IMPA1: variants seen among roughly 807,000 people sequenced by gnomAD.
IMPA1 encodes the protein D-galactose 1-phosphate phosphatase.
A neutral mutation model predicts 34.9 loss-of-function variants in IMPA1; 21 were observed. That is an observed-to-expected ratio of 0.60 (90% confidence interval 0.43 to 0.87). IMPA1 has a LOEUF of 0.87. Among genes scored for constraint, IMPA1 ranks in the 40% least tolerant of loss-of-function variants. IMPA1 has a pLI of 0.00. For synonymous variants in IMPA1, 95 were observed against 104.4 expected, an observed-to-expected ratio of 0.91 and a Z score of 0.55; for missense variants, 299 against 336.4, an observed-to-expected ratio of 0.89 and a Z score of 0.87.
intron 1 of IMPA1, among the ~76,000 whole-genome samples, chr8:81,683,782 T>G (rs912772734): frequency 3.6e-5 from 4 of 112,096 alleles, no homozygotes; most frequent in Admixed American, 3.2e-4. Context: ...GTCCTGAGTC[T>G]GGATAATCAC....
chr8:81,678,616 C>T (rs1178833246), intron 4 of IMPA1: 3 of 183,402 alleles, frequency 1.6e-5, no homozygotes, highest in South Asian at 8.2e-5. Context: ...CGCTTGAACC[C>T]GGGAGGTGGG....
Position 81,676,275 on chromosome 8 carries a change from G to A in IMPA1, c.307C>T (p.Pro103Ser). ...DGTTNFVHRFPFVAVSIGFAV... is the reference protein window; with the variant it reads ...DGTTNFVHRFSFVAVSIGFAV... The stretch of plus-strand genomic sequence containing the variant: ...AAGCCAATTGAAACAGCTACAAAAG[G>A]AAATCTTTTTTTAAAAAAAAGGACA... Residue 103 changes from proline (P) to serine (S), a missense_variant, in exon 5 of 9, where the codon CCT becomes TCT. Physicochemically the swap from Pro to Ser is moderately conservative, Grantham distance 74 (BLOSUM62 -1). Coordinates refer to ENST00000256108, the MANE Select transcript of IMPA1 (RefSeq NM_005536.4). The A allele has an allele frequency of 3.0e-6, 4 of 1,315,814 alleles. No homozygotes were observed. In the South Asian group the frequency reaches 4.6e-5, roughly 15 times the overall value. 81.5% of individuals were successfully genotyped at this position (1,315,814 alleles called of 1,614,324 possible). A position where few individuals can be genotyped will look rare whatever the true frequency, so the allele number is the denominator to read the frequency against.
intron 7 of IMPA1, among the ~76,000 whole-genome samples, chr8:81,666,906 G>A (rs992471783): frequency 1.3e-4 from 18 of 143,994 alleles, no homozygotes; most frequent in Non-Finnish European, 4.5e-5. Context: ...AGCAGGAATT[G>A]CAATTCTGAT....
intron 5 of IMPA1, 71 bp from the exon 6 acceptor site, chr8:81,674,020 A>C: frequency 2.2e-6 from 2 of 901,608 alleles, no homozygotes; most frequent in Admixed American, 3.6e-5. Flanking sequence ...AGAAAATAAC[A>C]AGACAATCTG....
At chr8:81,659,613 G>A (rs1806606045) in intron 8 of IMPA1, 147 bp from the exon 9 acceptor site, 1 of 606,306 alleles carries the variant, frequency 1.6e-6, no homozygotes. Context: ...TTTCTACAAT[G>A]TATAAGCTTA....
intron 7 of IMPA1, among the ~76,000 whole-genome samples, chr8:81,662,085 ATTTGGCATG>A (rs1341846906): frequency 6.6e-6 from 1 of 152,200 alleles, no homozygotes; most frequent in African/African-American, 2.4e-5. Flanking sequence ...GATGTCATTG[ATTTGGCATG>A]TTTTCCATCA....
At chr8:81,682,589 C>T (rs906321717) in intron 1 of IMPA1, among the ~76,000 whole-genome samples, 2 of 152,090 alleles carry the variant, frequency 1.3e-5, no homozygotes, top group African/African-American at 4.8e-5. Context: ...CTCTATGAGT[C>T]ATATAAGCAA....
chr8:81,685,746 G>T, intron 1 of IMPA1: 1 of 1,497,814 alleles, frequency 6.7e-7, no homozygotes, highest in Non-Finnish European at 9.0e-7. Context: ...GATGGGCAGG[G>T]TCCGTAGTTT....
intron 2 of IMPA1, among the ~76,000 whole-genome samples, chr8:81,681,172 A>G (rs915967575): frequency 6.6e-6 from 1 of 152,162 alleles, no homozygotes; most frequent in African/African-American, 2.4e-5. Flanking sequence ...AAGGTGGTCC[A>G]GGAATTCAAG....
intron 5 of IMPA1, chr8:81,674,930 T>C (rs1807088941): frequency 2.4e-6 from 1 of 423,326 alleles, no homozygotes; most frequent in Non-Finnish European, 4.7e-6. Flanking sequence ...AAAAACACTT[T>C]CCAATTTTGG....
chr8:81,679,617 A>C (rs1312870388), intron 3 of IMPA1, among the ~76,000 whole-genome samples: 1 of 149,272 alleles, frequency 6.7e-6, no homozygotes, highest in Non-Finnish European at 1.5e-5. Context: ...TGTCTCAGGA[A>C]AAAAAAAAAA....
At chr8:81,681,260 T>C (rs996141158) in intron 2 of IMPA1, among the ~76,000 whole-genome samples, 18 of 152,068 alleles carry the variant, frequency 1.2e-4, no homozygotes, top group African/African-American at 4.1e-4. Flanking sequence ...ACATGGTGGC[T>C]CATGCCTGCT....
chr8:81,684,901 A>C (rs1466827370), intron 1 of IMPA1, among the ~76,000 whole-genome samples: 1 of 133,688 alleles, frequency 7.5e-6, no homozygotes, highest in Non-Finnish European at 1.5e-5. Context: ...TATACTATAC[A>C]TAAGTATATT....
In IMPA1 at chr8:81,686,284, A is replaced by T; in HGVS notation, c.-57T>A. 7 of 995,744 alleles carry T rather than the reference A, an allele frequency of 7.0e-6. No homozygotes were observed. The highest frequency in any genetic ancestry group is 6.0e-6 in the Non-Finnish European group (5 of 836,008). The allele number at this position is 995,744 out of a possible 1,614,324, so 61.7% of individuals were successfully genotyped here. On this transcript the variant is annotated 5_prime_UTR_variant, in exon 1 of 9. Coordinates refer to ENST00000256108, the MANE Select transcript of IMPA1 (RefSeq NM_005536.4). The stretch of plus-strand genomic sequence containing the variant: ...CGGAGGACGTCCGGCTAGCTCTGTG[A>T]ACGGTGTTACCGCACTCGTCTCTTC...
rs1467447249 is a variant in IMPA1, at chr8:81,659,138, C to T, written c.*213G>A. ...CTTCCTGGGTATGTTTCCTAAAGTA[C>T]ATTCTTACATGCAAAATTTTTTAAA... is the stretch of plus-strand genomic sequence containing the variant. On this transcript the variant is annotated 3_prime_UTR_variant, in exon 9 of 9. Coordinates refer to ENST00000256108, the MANE Select transcript of IMPA1 (RefSeq NM_005536.4). The T allele has an allele frequency of 5.5e-6, 3 of 549,708 alleles. No individual in the cohort carries two copies. Among genetic ancestry groups the T allele is most frequent in the Non-Finnish European group, 9.6e-6 (3 of 312,038 alleles). The allele number at this position is 549,708 out of a possible 1,614,324, so 34.1% of individuals were successfully genotyped here.
At chr8:81,663,067 G>GCA (rs1806724234) in intron 7 of IMPA1, among the ~76,000 whole-genome samples, 2 of 152,116 alleles carry the variant, frequency 1.3e-5, no homozygotes, top group African/African-American at 4.8e-5. Context: ...GATCATAAAA[G>GCA]CAATCAGTAA....
chr8:81,660,493 TG>T, intron 8 of IMPA1, 22 bp downstream of exon 8: 3 of 1,606,008 alleles, frequency 1.9e-6, no homozygotes, highest in Non-Finnish European at 2.6e-6. Flanking sequence ...TGTGGAGATC[TG>T]CTTCACTCTC....
Position 81,670,962 on chromosome 8 carries a change from CT to C in IMPA1, c.542del (p.Lys181SerfsTer55). ...TVRMVLSNME[K>X]LFCIPVHGIR... ...ACCCATGAACAGGAATGCAAAAAAG[CT>C]TTTCCATATTAGAAAGAACCATTCT... On this transcript the variant is annotated frameshift_variant, in exon 7 of 9. Transcript: ENST00000256108. LOFTEE classifies it high-confidence loss of function. 6.5e-7 allele frequency: 1 copy of C among 1,530,566 alleles called. No homozygotes were observed. The highest frequency in any genetic ancestry group is 8.7e-7 in the Non-Finnish European group (1 of 1,146,350). 94.8% of individuals were successfully genotyped at this position (1,530,566 alleles called of 1,614,324 possible).
chr8:81,659,821 TC>T (rs1268171578), intron 8 of IMPA1, among the ~76,000 whole-genome samples: 21 of 152,214 alleles, frequency 1.4e-4, no homozygotes, highest in Admixed American at 7.9e-4. Context: ...GTTGCCTTTC[TC>T]CCAGATCACT....
Sources: allele counts gnomAD v4.1 joint callset (sites outside exome capture counted in the v4.1 genomes callset), GRCh38; gene constraint gnomAD v4.1.1; transcripts MANE v1.5; gene names NCBI Gene and HGNC (gene_info 2026-07-23, HGNC 2026-07-21).